Variants in UNC5D observed in about 807,000 individuals in gnomAD.
UNC5D encodes the protein unc-5 netrin receptor D.
In UNC5D, 39 loss-of-function variants were observed where a neutral mutation model predicts 105.4. The observed-to-expected ratio is 0.37, with a 90% confidence interval of 0.29 to 0.48. UNC5D has a LOEUF of 0.48. Ranked by LOEUF, UNC5D falls within the 20% of genes least tolerant of loss-of-function variation. The pLI, the probability that UNC5D is intolerant of heterozygous loss-of-function variation, is 0.98. For missense variants in UNC5D, 991 were observed against 1,202.4 expected (o/e 0.82, Z 2.60); for synonymous variants, 452 against 450.4 (o/e 1.00, Z -0.04).
chr8:35,732,807 A>T (rs1381528682), intron 11 of UNC5D, among the ~76,000 whole-genome samples: 1 of 152,102 alleles, frequency 6.6e-6, no homozygotes, highest in Non-Finnish European at 1.5e-5. Flanking sequence ...ATCACATGAG[A>T]ACCAACTTAG....
chr8:35,411,820 C>A (rs1289340171), intron 1 of UNC5D, among the ~76,000 whole-genome samples: 1 of 151,812 alleles, frequency 6.6e-6, no homozygotes, highest in African/African-American at 2.4e-5. Flanking sequence ...ATCGGAAGTA[C>A]CCAGAATGGT....
chr8:35,713,814 C>T (rs7818904), intron 8 of UNC5D, among the ~76,000 whole-genome samples: 12,718 of 152,172 alleles, frequency 0.084, 1,170 homozygotes, highest in African/African-American at 0.22. Context: ...TGCAAAAGTA[C>T]ATGGTCTACT....
At position 35,586,043 on chromosome 8, in the gene UNC5D, C is replaced by T. The variant is rs535050232; in HGVS notation, c.467-9511C>T. 4.6e-5 allele frequency among the ~76,000 whole-genome samples: 7 copies of T among 152,080 alleles called. No homozygotes were observed. In the South Asian group the frequency reaches 1.2e-3, roughly 27 times the overall value. ...ATCCCCGCACTTTGGGAGGCCGAGG[C>T]GGGTGGATCACCTGAGGTCAGGAGT... On this transcript the variant is annotated intron_variant, in intron 3 of 16. Coordinates refer to ENST00000404895, the MANE Select transcript of UNC5D (RefSeq NM_080872.4).
intron 1 of UNC5D, among the ~76,000 whole-genome samples, chr8:35,276,022 A>G (rs778069486): frequency 5.9e-5 from 9 of 152,194 alleles, no homozygotes; most frequent in African/African-American, 1.7e-4. Context: ...GTGGTTTAAT[A>G]TAGGATCAAT....
At position 35,549,417 on chromosome 8, in the gene UNC5D, G is replaced by A. The variant is rs1273419742; in HGVS notation, c.229G>A (p.Ala77Thr). 3.1e-6 allele frequency: 5 copies of A among 1,613,310 alleles called. No individual in the cohort carries two copies. Among genetic ancestry groups the A allele is most frequent in the Non-Finnish European group, 4.2e-6 (5 of 1,180,036 alleles). The change falls in exon 2 of 17, where the codon GCG becomes ACG. Residue 77 changes from alanine (A) to threonine (T), a missense_variant. Transcript: ENST00000404895. The stretch of plus-strand genomic sequence containing the variant: ...CAACCCTATTGCACTCAGGTGCAAA[G>A]CGAGGCCAGCCATGCAGATATTCTT... ...KSNPIALRCK[A>T]RPAMQIFFKC...
chr8:35,295,149 C>T (rs1415365738), intron 1 of UNC5D, among the ~76,000 whole-genome samples: 3 of 152,158 alleles, frequency 2.0e-5, no homozygotes, highest in African/African-American at 4.8e-5. Context: ...TGATTTAATA[C>T]TGTACCTTTT....
intron 1 of UNC5D, among the ~76,000 whole-genome samples, chr8:35,330,926 A>C (rs1318716763): frequency 2.0e-5 from 3 of 152,196 alleles, no homozygotes; most frequent in African/African-American, 7.2e-5. Flanking sequence ...ATTTGGCCCC[A>C]GGGAGACCAC....
intron 2 of UNC5D, among the ~76,000 whole-genome samples, chr8:35,553,132 A>G (rs1433305237): frequency 6.6e-6 from 1 of 152,188 alleles, no homozygotes; most frequent in African/African-American, 2.4e-5. Context: ...CATTTCTGTT[A>G]CCACTGCTAG....
intron 1 of UNC5D, among the ~76,000 whole-genome samples, chr8:35,275,554 C>A (rs761794496): frequency 6.6e-6 from 1 of 152,090 alleles, no homozygotes; most frequent in Non-Finnish European, 1.5e-5. Context: ...CACATTTCAG[C>A]TCCATGAAGT....
intron 1 of UNC5D, among the ~76,000 whole-genome samples, chr8:35,357,613 T>G (rs1175813665): frequency 6.6e-6 from 1 of 152,176 alleles, no homozygotes; most frequent in Non-Finnish European, 1.5e-5. Context: ...TATTTCCTAG[T>G]CTGTATCTCC....
intron 1 of UNC5D, among the ~76,000 whole-genome samples, chr8:35,390,068 C>A (rs1381712772): frequency 6.6e-6 from 1 of 152,104 alleles, no homozygotes; most frequent in African/African-American, 2.4e-5. Context: ...GGGGAGGCCT[C>A]GGGAAACTTC....
chr8:35,577,014 G>A (rs1174594319), intron 3 of UNC5D, among the ~76,000 whole-genome samples: 2 of 152,164 alleles, frequency 1.3e-5, no homozygotes, highest in Non-Finnish European at 2.9e-5. Context: ...ATCTTCAGAT[G>A]TTAACATTTT....
At chr8:35,572,286 A>AAAAC (rs1817786102) in intron 3 of UNC5D, among the ~76,000 whole-genome samples, 2 of 150,214 alleles carry the variant, frequency 1.3e-5, no homozygotes, top group African/African-American at 4.9e-5. Context: ...AAAAAAAAAA[A>AAAAC]AAAAAAAAAA....
At chr8:35,339,885 T>C (rs1054273299) in intron 1 of UNC5D, among the ~76,000 whole-genome samples, 1 of 152,146 alleles carries the variant, frequency 6.6e-6, no homozygotes, top group Non-Finnish European at 1.5e-5. Context: ...GATCAAAAAG[T>C]AACTGGGTGC....
In UNC5D at chr8:35,790,629, G is replaced by T; in HGVS notation, c.*66G>T. 6.4e-7 allele frequency: 1 copy of T among 1,559,742 alleles called. No homozygotes were observed. The highest frequency in any genetic ancestry group is 1.4e-5 in the African/African-American group (1 of 73,972). On this transcript the variant is annotated 3_prime_UTR_variant, in exon 17 of 17. Transcript: ENST00000404895. ...GACATTTGCTTTAAATGGGAAAGAG[G>T]CCGCTTTCTGCCCAGTGGCGTTGGG...
chr8:35,609,206 C>T (rs1040521649), intron 4 of UNC5D, among the ~76,000 whole-genome samples: 1 of 152,030 alleles, frequency 6.6e-6, no homozygotes, highest in African/African-American at 2.4e-5. Context: ...TGTATGTCTT[C>T]TTTTGAAACA....
chr8:35,683,470 G>A (rs577962510), intron 4 of UNC5D, 77 bp from the exon 5 acceptor site: 25 of 1,451,182 alleles, frequency 1.7e-5, no homozygotes, highest in African/African-American at 1.6e-4. Flanking sequence ...TCCCACACCC[G>A]AATCTGCTCA....
chr8:35,405,043 T>TA (rs1274854305), intron 1 of UNC5D, among the ~76,000 whole-genome samples: 1 of 152,196 alleles, frequency 6.6e-6, no homozygotes, highest in Non-Finnish European at 1.5e-5. Flanking sequence ...TGCACATATT[T>TA]AAAAAATATA....
intron 1 of UNC5D, among the ~76,000 whole-genome samples, chr8:35,410,255 A>G (rs1199181687): frequency 2.0e-5 from 3 of 151,982 alleles, no homozygotes; most frequent in Non-Finnish European, 4.4e-5. Context: ...TTTTCTCCCC[A>G]TATACTGTCA....
Sources: gnomAD v4.1 joint callset for allele counts (sites outside exome capture counted in the v4.1 genomes callset) on GRCh38, gnomAD v4.1.1 for gene constraint, MANE v1.5 for transcripts, NCBI Gene and HGNC (gene_info 2026-07-23, HGNC 2026-07-21) for gene names.